Variants in NPAS3 observed in about 807,000 individuals in gnomAD.
The protein encoded by NPAS3 is neuronal PAS domain-containing protein 3.
Under a neutral mutation model 73.1 loss-of-function variants are expected in NPAS3, and 14 were observed. The ratio of observed to expected loss-of-function variants is 0.19; its 90% CI spans 0.13 to 0.30. NPAS3 has a LOEUF of 0.30. Among genes scored for constraint, NPAS3 ranks in the 10% least tolerant of loss-of-function variants. The pLI is 1.00. For synonymous variants in NPAS3, 620 were observed against 541.5 expected (o/e 1.14, Z -2.01); for missense variants, 1,096 against 1,250.0 (o/e 0.88, Z 1.86).
chr14:32,938,522 AG>A (rs1296882703), upstream of NPAS3, among the ~76,000 whole-genome samples: 11 of 121,802 alleles, frequency 9.0e-5, 1 homozygote, highest in South Asian at 2.7e-4. Context: ...AGAGAGAGAG[AG>A]AAGGGGGGGG....
At chr14:33,270,140 C>T (rs1277823780) in intron 3 of NPAS3, among the ~76,000 whole-genome samples, 1 of 152,088 alleles carries the variant, frequency 6.6e-6, no homozygotes, top group Non-Finnish European at 1.5e-5. Flanking sequence ...CCAGATAAGT[C>T]AGTCATTGAC....
chr14:33,742,039 T>A (rs541735258), intron 7 of NPAS3, among the ~76,000 whole-genome samples: 20 of 152,202 alleles, frequency 1.3e-4, no homozygotes, highest in Non-Finnish European at 2.5e-4. Context: ...AAGTTATTGT[T>A]AATGCCTCTG....
intron 5 of NPAS3, among the ~76,000 whole-genome samples, chr14:33,636,990 C>CATCT (rs2058539388): frequency 6.6e-6 from 1 of 151,958 alleles, no homozygotes; most frequent in Non-Finnish European, 1.5e-5. Flanking sequence ...AGAAATGTTA[C>CATCT]ATCTATCTTT....
chr14:33,543,973 A>ATC (rs1242939680), intron 4 of NPAS3, among the ~76,000 whole-genome samples: 2 of 33,130 alleles, frequency 6.0e-5, no homozygotes, highest in East Asian at 1.8e-3. Context: ...ATATATATAT[A>ATC]TATATATATA....
At chr14:33,108,950 A>T (rs561795004) in intron 2 of NPAS3, among the ~76,000 whole-genome samples, 3 of 152,334 alleles carry the variant, frequency 2.0e-5, no homozygotes, top group Admixed American at 6.5e-5. Context: ...AACAAAGATC[A>T]AGTTAGAGTA....
intron 4 of NPAS3, among the ~76,000 whole-genome samples, chr14:33,558,721 G>A (rs967960110): frequency 3.3e-5 from 5 of 151,728 alleles, no homozygotes; most frequent in African/African-American, 9.7e-5. Context: ...ATTTGAGAAG[G>A]CACATATTTC....
At chr14:33,092,754 C>T (rs1351474646) in intron 2 of NPAS3, among the ~76,000 whole-genome samples, 1 of 152,134 alleles carries the variant, frequency 6.6e-6, no homozygotes, top group Non-Finnish European at 1.5e-5. Flanking sequence ...CAGCATGGTA[C>T]TGGTACCAAA....
intron 4 of NPAS3, among the ~76,000 whole-genome samples, chr14:33,494,598 G>C (rs1408007549): frequency 6.6e-6 from 1 of 152,138 alleles, no homozygotes; most frequent in Non-Finnish European, 1.5e-5. Flanking sequence ...CAGACTCTGA[G>C]AGAGACTTGT....
chr14:33,682,676 G>T (rs1301863332), intron 6 of NPAS3, among the ~76,000 whole-genome samples: 1 of 152,134 alleles, frequency 6.6e-6, no homozygotes, highest in Admixed American at 6.5e-5. Flanking sequence ...GCCACAGAAG[G>T]GAAAAATGTT....
intron 6 of NPAS3, among the ~76,000 whole-genome samples, chr14:33,728,053 C>T (rs2061316302): frequency 6.6e-6 from 1 of 152,168 alleles, no homozygotes; most frequent in Non-Finnish European, 1.5e-5. Flanking sequence ...CTGGTAGCAG[C>T]TTGACTCTGA....
chr14:33,200,026 G>A (rs75784677), intron 2 of NPAS3, among the ~76,000 whole-genome samples: 31,951 of 151,566 alleles, frequency 0.21, 3,775 homozygotes, highest in South Asian at 0.38. Flanking sequence ...GACTACATTT[G>A]ACTCATTGTT....
rs114216502 is a variant in NPAS3 at position 33,362,942 on chromosome 14, C to T, written c.386-4244C>T. ...AAGTGATCCCTCCAATAGCAAGCCC[C>T]TCTGTGGCTCTCTGCCTGTGGTCCA... On this transcript the variant is annotated intron_variant, in intron 3 of 11. Coordinates refer to ENST00000356141, the Ensembl canonical transcript of NPAS3. 7.9e-3 allele frequency among the ~76,000 whole-genome samples: 1,204 copies of T among 152,244 alleles called. 18 individuals carry two copies. Among genetic ancestry groups the T allele is most frequent in the African/African-American group, 0.028 (1,153 of 41,536 alleles).
intron 7 of NPAS3, among the ~76,000 whole-genome samples, chr14:33,769,867 C>T (rs368901769): frequency 2.3e-3 from 332 of 141,520 alleles, no homozygotes; most frequent in African/African-American, 8.1e-3. Context: ...TAGGTTCAAG[C>T]AATCCTCAAA....
intron 2 of NPAS3, among the ~76,000 whole-genome samples, chr14:33,071,761 C>T (rs2041492768): frequency 3.3e-5 from 5 of 151,852 alleles, no homozygotes; most frequent in Admixed American, 3.3e-4. Context: ...GGTAACAGCC[C>T]CACAATAAAG....
At chr14:33,181,122 G>A (rs2045783410) in intron 2 of NPAS3, among the ~76,000 whole-genome samples, 1 of 152,126 alleles carries the variant, frequency 6.6e-6, no homozygotes, top group Admixed American at 6.5e-5. Flanking sequence ...TGGAGGAGGT[G>A]GTGATTTTAA....
intron 5 of NPAS3, among the ~76,000 whole-genome samples, chr14:33,617,222 A>T (rs993436088): frequency 6.6e-6 from 1 of 152,224 alleles, no homozygotes; most frequent in African/African-American, 2.4e-5. Flanking sequence ...TGCAGCCAGC[A>T]TGATCAAGTT....
intron 1 of NPAS3, among the ~76,000 whole-genome samples, chr14:33,042,915 A>G (rs532649873): frequency 1.9e-4 from 29 of 152,302 alleles, no homozygotes; most frequent in Admixed American, 1.6e-3. Flanking sequence ...GACAGTGCTA[A>G]TAAATCTTGT....
At chr14:33,683,319 A>C (rs1318120020) in intron 6 of NPAS3, among the ~76,000 whole-genome samples, 1 of 149,306 alleles carries the variant, frequency 6.7e-6, no homozygotes, top group African/African-American at 2.5e-5. Flanking sequence ...TTTCTAGGTC[A>C]TAATTTTGAC....
At chr14:33,225,693 A>G (rs1358976360) in intron 3 of NPAS3, among the ~76,000 whole-genome samples, 1 of 152,206 alleles carries the variant, frequency 6.6e-6, no homozygotes, top group Non-Finnish European at 1.5e-5. Context: ...TATTTAAAAA[A>G]TTAAAACAAC....
Sources: allele counts gnomAD v4.1 joint callset (sites outside exome capture counted in the v4.1 genomes callset), GRCh38; gene constraint gnomAD v4.1.1; transcripts MANE v1.5; gene names NCBI Gene and HGNC (gene_info 2026-07-23, HGNC 2026-07-21).